PLD5: variants seen among roughly 807,000 people sequenced by gnomAD.
The protein encoded by PLD5 is phospholipase D family member 5.
A neutral mutation model predicts 61.1 loss-of-function variants in PLD5; 36 were observed. The observed-to-expected ratio is 0.59, with a 90% confidence interval of 0.45 to 0.78. The LOEUF (loss-of-function observed/expected upper bound fraction) is 0.78. PLD5 is among the 30% of genes least tolerant of loss of function. The pLI is 0.00. For synonymous variants in PLD5, 243 were observed against 242.8 expected, an observed-to-expected ratio of 1.00 and a Z score of -0.01; for missense variants, 515 against 644.4, an observed-to-expected ratio of 0.80 and a Z score of 2.17.
chr1:242,090,166 C>A, intron 9 of PLD5, 56 bp from the exon 10 acceptor site: 2 of 1,580,642 alleles, frequency 1.3e-6, no homozygotes, highest in Non-Finnish European at 1.7e-6. Context: ...GGAACATACC[C>A]AATATAATGA....
At chr1:242,338,975 A>T (rs1204318950) in intron 2 of PLD5, among the ~76,000 whole-genome samples, 5 of 152,148 alleles carry the variant, frequency 3.3e-5, no homozygotes, top group Non-Finnish European at 7.3e-5. Context: ...ATAGCATCAG[A>T]CTATTCTATT....
chr1:242,288,724 G>C (rs906713055), intron 2 of PLD5, among the ~76,000 whole-genome samples, 194 bp from the exon 3 acceptor site: 7 of 152,140 alleles, frequency 4.6e-5, no homozygotes, highest in Admixed American at 1.3e-4. Context: ...TGTGTTCTGA[G>C]AGTTTATGCT....
At chr1:242,513,289 A>T (rs1668996230) in intron 1 of PLD5, among the ~76,000 whole-genome samples, 1 of 152,064 alleles carries the variant, frequency 6.6e-6, no homozygotes, top group Non-Finnish European at 1.5e-5. Flanking sequence ...CTCAACACAC[A>T]TTCATTCATT....
At chr1:242,184,498 A>C (rs1667749647) in intron 5 of PLD5, among the ~76,000 whole-genome samples, 2 of 152,208 alleles carry the variant, frequency 1.3e-5, no homozygotes, top group South Asian at 2.1e-4. Context: ...CCTTCCAAGT[A>C]GCTGGGGTTA....
At chr1:242,152,573 T>C (rs1318140868) in intron 5 of PLD5, among the ~76,000 whole-genome samples, 1 of 152,104 alleles carries the variant, frequency 6.6e-6, no homozygotes, top group Non-Finnish European at 1.5e-5. Flanking sequence ...TTCTCATTGT[T>C]CAACTCCAAG....
At chr1:242,129,280 G>A (rs189867178) in intron 5 of PLD5, among the ~76,000 whole-genome samples, 1 of 152,288 alleles carries the variant, frequency 6.6e-6, no homozygotes, top group Non-Finnish European at 1.5e-5. Flanking sequence ...CTACATTACA[G>A]CTTTAGGACC....
At chr1:242,403,846 C>T (rs781462943) in intron 1 of PLD5, among the ~76,000 whole-genome samples, 6 of 152,154 alleles carry the variant, frequency 3.9e-5, no homozygotes, top group Non-Finnish European at 7.4e-5. Context: ...CCTTTTCTGC[C>T]TCTTCTCAAT....
intron 1 of PLD5, among the ~76,000 whole-genome samples, chr1:242,399,152 C>T (rs1416046040): frequency 1.3e-5 from 2 of 152,222 alleles, no homozygotes; most frequent in African/African-American, 4.8e-5. Flanking sequence ...AAAAACAAGA[C>T]TGTGCACACT....
At position 242,234,564 on chromosome 1, in the gene PLD5, C is replaced by T. The variant is rs562151447; in HGVS notation, c.608-14449G>A. On this transcript the variant is annotated intron_variant, in intron 4 of 9. Coordinates refer to ENST00000536534, the MANE Select transcript of PLD5 (RefSeq NM_001372062.1). ...GAACTCCAGGGACTGGGGAGGCAGA[C>T]GATGGAGCAGAAAATGGGGACCTAG... Among the ~76,000 whole-genome samples the T allele has an allele frequency of 2.7e-4, 41 of 152,050 alleles. 1 individual carries two copies. The highest frequency in any genetic ancestry group is 2.5e-3 in the South Asian group (12 of 4,806).
intron 5 of PLD5, among the ~76,000 whole-genome samples, chr1:242,141,744 A>C (rs1355744917): frequency 6.6e-6 from 1 of 152,134 alleles, no homozygotes; most frequent in African/African-American, 2.4e-5. Context: ...ATTTTGGAGA[A>C]GGGAAGGGGA....
intron 6 of PLD5, among the ~76,000 whole-genome samples, chr1:242,115,044 G>A (rs1661832396): frequency 2.0e-5 from 3 of 151,976 alleles, no homozygotes. Context: ...CAGGCGTGGT[G>A]GTGTGCACCT....
intron 9 of PLD5, among the ~76,000 whole-genome samples, chr1:242,094,356 T>C (rs891433184): frequency 1.4e-4 from 22 of 152,280 alleles, no homozygotes; most frequent in Admixed American, 3.3e-4. Context: ...AGAGCTTGAC[T>C]CAAATGTACC....
At chr1:242,203,833 C>T (rs1186716563) in intron 5 of PLD5, 1 of 152,190 alleles carries the variant, frequency 6.6e-6, no homozygotes, top group Non-Finnish European at 1.5e-5. Flanking sequence ...ATTGCCTTTA[C>T]TTATTCTCCC....
chr1:242,202,905 C>T (rs181310383), intron 5 of PLD5, among the ~76,000 whole-genome samples: 29 of 152,080 alleles, frequency 1.9e-4, no homozygotes, highest in African/African-American at 6.0e-4. Flanking sequence ...GGGATGCAGG[C>T]GGGGATGCCA....
intron 1 of PLD5, among the ~76,000 whole-genome samples, chr1:242,405,975 G>A (rs1213572652): frequency 6.6e-6 from 1 of 152,102 alleles, no homozygotes; most frequent in Non-Finnish European, 1.5e-5. Flanking sequence ...AATGGCTGTA[G>A]TTTCTCAGCT....
chr1:242,478,569 T>C (rs1474109134), intron 1 of PLD5, among the ~76,000 whole-genome samples: 1 of 152,154 alleles, frequency 6.6e-6, no homozygotes, highest in Non-Finnish European at 1.5e-5. Flanking sequence ...AGATCGTAAG[T>C]GTGTCTTGAA....
intron 4 of PLD5, among the ~76,000 whole-genome samples, chr1:242,247,007 G>A (rs925014646): frequency 1.6e-4 from 21 of 135,118 alleles, no homozygotes; most frequent in Non-Finnish European, 1.1e-4. Flanking sequence ...TTTTTGAGAC[G>A]GAGTTTCGCT....
At chr1:242,093,706 G>A (rs953822071) in intron 9 of PLD5, among the ~76,000 whole-genome samples, 1 of 151,872 alleles carries the variant, frequency 6.6e-6, no homozygotes, top group Non-Finnish European at 1.5e-5. Flanking sequence ...CTACAATGTC[G>A]ACCCCCGAGG....
intron 1 of PLD5, among the ~76,000 whole-genome samples, chr1:242,355,404 T>C (rs1019403995): frequency 1.3e-5 from 2 of 152,184 alleles, no homozygotes; most frequent in African/African-American, 4.8e-5. Context: ...TGTTGGCATA[T>C]AATAGTTCAT....
Sources: gnomAD v4.1 joint callset for allele counts (sites outside exome capture counted in the v4.1 genomes callset) on GRCh38, gnomAD v4.1.1 for gene constraint, MANE v1.5 for transcripts, NCBI Gene and HGNC (gene_info 2026-07-23, HGNC 2026-07-21) for gene names.